The following BICC1 variants were observed in gnomAD, a reference collection of about 807,000 sequenced individuals.
BICC1 encodes protein bicaudal C homolog 1.
Under a neutral mutation model 111.0 loss-of-function variants are expected in BICC1, and 43 were observed. That is an observed-to-expected ratio of 0.39 (90% CI 0.30 to 0.50). The LOEUF (loss-of-function observed/expected upper bound fraction) is 0.50, where lower values mean the gene tolerates loss of function less well. Among genes scored for constraint, BICC1 ranks in the 20% least tolerant of loss-of-function variants. The pLI, the probability that BICC1 is intolerant of heterozygous loss-of-function variation, is 0.88. For synonymous variants in BICC1, 467 were observed against 434.4 expected (o/e 1.07, Z -0.93); for missense variants, 1,091 against 1,203.2 (o/e 0.91, Z 1.38).
intron 20 of BICC1, among the ~76,000 whole-genome samples, chr10:58,821,887 G>T (rs1844260724): frequency 6.6e-6 from 1 of 152,046 alleles, no homozygotes; most frequent in Non-Finnish European, 1.5e-5. Flanking sequence ...ATTTGTGATT[G>T]TACAAAGGTC....
intron 3 of BICC1, among the ~76,000 whole-genome samples, chr10:58,756,019 C>A (rs1439797610): frequency 6.6e-6 from 1 of 152,158 alleles, no homozygotes; most frequent in Non-Finnish European, 1.5e-5. Flanking sequence ...TTTATTCTGT[C>A]CCTTACATTT....
intron 3 of BICC1, among the ~76,000 whole-genome samples, chr10:58,764,571 C>T (rs1314444260): frequency 6.6e-6 from 1 of 150,504 alleles, no homozygotes; most frequent in African/African-American, 2.4e-5. Flanking sequence ...AAGCATAAAA[C>T]TGATGCCAGA....
chr10:58,755,072 G>C, intron 3 of BICC1, among the ~76,000 whole-genome samples: 1 of 152,282 alleles, frequency 6.6e-6, no homozygotes, highest in Non-Finnish European at 1.5e-5. Context: ...GTGGAAGCCT[G>C]ATGCTGAAAA....
chr10:58,808,217 G>A (rs138735653), intron 17 of BICC1, among the ~76,000 whole-genome samples: 1 of 152,258 alleles, frequency 6.6e-6, no homozygotes, highest in African/African-American at 2.4e-5. Flanking sequence ...ACCTTCAGCA[G>A]CAGAATGTAG....
At chr10:58,561,261 A>AT (rs1843595865) in intron 1 of BICC1, among the ~76,000 whole-genome samples, 2 of 151,776 alleles carry the variant, frequency 1.3e-5, no homozygotes, top group South Asian at 4.2e-4. Flanking sequence ...CAATAATTAT[A>AT]TTTTCTGGCT....
intron 2 of BICC1, among the ~76,000 whole-genome samples, chr10:58,668,187 G>T (rs796202447): frequency 1.3e-5 from 2 of 152,012 alleles, no homozygotes; most frequent in Non-Finnish European, 2.9e-5. Context: ...GAAGTTTTAC[G>T]TCATCTGTAG....
intron 1 of BICC1, among the ~76,000 whole-genome samples, chr10:58,605,255 T>G (rs757725224): frequency 6.6e-6 from 1 of 152,144 alleles, no homozygotes; most frequent in African/African-American, 2.4e-5. Context: ...AAAAGACTTA[T>G]GATGAAAACA....
intron 1 of BICC1, among the ~76,000 whole-genome samples, chr10:58,553,847 C>T (rs936636020): frequency 1.3e-5 from 2 of 150,806 alleles, no homozygotes; most frequent in Non-Finnish European, 3.0e-5. Flanking sequence ...CAATAGAGTA[C>T]AAAAATGTAA....
intron 1 of BICC1, among the ~76,000 whole-genome samples, chr10:58,588,528 G>C (rs183596202): frequency 6.6e-6 from 1 of 152,254 alleles, no homozygotes; most frequent in East Asian, 1.9e-4. Flanking sequence ...TTCCAGCTTA[G>C]ATCTCTACTG....
At chr10:58,709,732 A>G (rs1326680936) in intron 3 of BICC1, among the ~76,000 whole-genome samples, 2 of 152,232 alleles carry the variant, frequency 1.3e-5, no homozygotes, top group Non-Finnish European at 2.9e-5. Flanking sequence ...TATCTTCCCT[A>G]TAGACCCCTT....
intron 3 of BICC1, among the ~76,000 whole-genome samples, chr10:58,764,339 C>G (rs7091115): frequency 2.6e-5 from 4 of 152,096 alleles, no homozygotes; most frequent in African/African-American, 9.6e-5. Flanking sequence ...GAAGTGGAAA[C>G]AAATCTGATT....
At chr10:58,658,455 G>T (rs1022759261) in intron 2 of BICC1, among the ~76,000 whole-genome samples, 6 of 152,004 alleles carry the variant, frequency 3.9e-5, no homozygotes, top group Admixed American at 1.3e-4. Context: ...CCAAAGTGCT[G>T]GGATTAAGGG....
chr10:58,536,439 A>G (rs1029017931), intron 1 of BICC1, among the ~76,000 whole-genome samples: 1 of 151,810 alleles, frequency 6.6e-6, no homozygotes, highest in Non-Finnish European at 1.5e-5. Flanking sequence ...GTATAAATAC[A>G]TGGAAGTTAA....
intron 1 of BICC1, among the ~76,000 whole-genome samples, chr10:58,610,653 A>G (rs79244532): frequency 0.083 from 12,606 of 151,476 alleles, 550 homozygotes; most frequent in African/African-American, 0.091. Flanking sequence ...CCCTTTTATA[A>G]TGGGGTAAAT....
chr10:58,531,783 T>C (rs1374201543), intron 1 of BICC1, among the ~76,000 whole-genome samples: 5 of 151,392 alleles, frequency 3.3e-5, no homozygotes, highest in Admixed American at 6.6e-5. Flanking sequence ...CAGTAACTGA[T>C]TTGAAAAAAA....
At chr10:58,759,149 G>A (rs999004370) in intron 3 of BICC1, among the ~76,000 whole-genome samples, 6 of 151,738 alleles carry the variant, frequency 4.0e-5, no homozygotes, top group African/African-American at 4.8e-5. Flanking sequence ...TAGTAGGGAC[G>A]GGGTTTTGTC....
At chr10:58,586,623 A>C in intron 1 of BICC1, among the ~76,000 whole-genome samples, 1 of 36,752 alleles carries the variant, frequency 2.7e-5, no homozygotes, top group East Asian at 8.1e-3. Context: ...TCTCTCAAAA[A>C]AAAAAAAAAC....
intron 1 of BICC1, among the ~76,000 whole-genome samples, chr10:58,595,988 GAA>G (rs1844801117): frequency 6.6e-6 from 1 of 152,066 alleles, no homozygotes; most frequent in African/African-American, 2.4e-5. Context: ...AGAAAGGAGA[GAA>G]GACTCAATTA....
intron 3 of BICC1, among the ~76,000 whole-genome samples, chr10:58,709,498 C>T (rs529394420): frequency 2.5e-4 from 38 of 152,284 alleles, no homozygotes; most frequent in South Asian, 1.0e-3. Flanking sequence ...GTAAGGAGCA[C>T]GTGGATTTTG....
Sources: gnomAD v4.1 joint callset for allele counts (sites outside exome capture counted in the v4.1 genomes callset) on GRCh38, gnomAD v4.1.1 for gene constraint, MANE v1.5 for transcripts, NCBI Gene and HGNC (gene_info 2026-07-23, HGNC 2026-07-21) for gene names.